GJB1: variants seen among roughly 807,000 people sequenced by gnomAD.
GJB1 encodes the protein gap junction protein beta 1.
A neutral mutation model predicts 12.0 loss-of-function variants in GJB1; 1 was observed. The ratio of observed to expected loss-of-function variants is 0.08; its 90% confidence interval spans 0.03 to 0.40. GJB1 has a LOEUF of 0.40. Among genes scored for constraint, GJB1 ranks in the 10% least tolerant of loss-of-function variants. GJB1 has a pLI of 0.98. For synonymous variants in GJB1, 114 were observed against 102.8 expected, an observed-to-expected ratio of 1.11 and a Z score of -0.66; for missense variants, 140 against 250.3, an observed-to-expected ratio of 0.56 and a Z score of 2.97.
At chrX:71,218,679 C>T (rs2092530246), upstream of GJB1, among the ~76,000 whole-genome samples, 2 of 110,214 alleles carry the variant, frequency 1.8e-5, no homozygotes, top group Admixed American at 9.8e-5. Flanking sequence ...GTCAGGAGAT[C>T]AAGACCATCC....
upstream of GJB1, among the ~76,000 whole-genome samples, chrX:71,218,801 G>A (rs2092530634): frequency 1.0e-5 from 1 of 95,610 alleles, no homozygotes; most frequent in Non-Finnish European, 2.1e-5. Context: ...CAGAAGAATG[G>A]CGTGAACCCA....
chrX:71,220,476 TTTTGTTTGTTTG>T (rs58936467), upstream of GJB1, among the ~76,000 whole-genome samples: 15 of 95,201 alleles, frequency 1.6e-4, no homozygotes, highest in South Asian at 5.3e-4. Flanking sequence ...CTGGCCTAGG[TTTTGTTTGTTTG>T]TTTGTTTGTT....
chrX:71,216,516 A>C (rs772676757), intron 1 of GJB1, among the ~76,000 whole-genome samples: 1 of 109,459 alleles, frequency 9.1e-6, no homozygotes, highest in South Asian at 4.0e-4. Context: ...AGAGTCTGTG[A>C]ATATACACAC....
rs879254098 is a variant in GJB1, at chrX:71,224,169, T to C, written c.462T>C (p.Tyr154=). The change falls in exon 2 of 2, where the codon TAT becomes TAC. Residue 154 remains tyrosine, a synonymous_variant. Coordinates refer to ENST00000361726, the MANE Select transcript of GJB1 (RefSeq NM_000166.6). Reference sequence around the variant, plus strand: ...AGGCCGTCTTCATGTATGTCTTTTATCTGCTCTACCCTGGCTATGCCATGG... The same window carrying C: ...AGGCCGTCTTCATGTATGTCTTTTACCTGCTCTACCCTGGCTATGCCATGG... ...LFEAVFMYVF[Y]LLYPGYAMVR... The C allele has an allele frequency of 2.5e-6, 3 of 1,206,481 alleles. No homozygotes were observed. The highest frequency in any genetic ancestry group is 3.4e-6 in the Non-Finnish European group (3 of 893,149).
chrX:71,219,150 C>CTTATTA (rs34964191), upstream of GJB1, among the ~76,000 whole-genome samples: 3,226 of 97,983 alleles, frequency 0.033, 84 homozygotes, highest in East Asian at 0.093. Context: ...TTGAGGTGGT[C>CTTATTA]TTATTATTAT....
At chrX:71,223,444 G>A in intron 1 of GJB1, 109 bp downstream of exon 1, 5 of 436,835 alleles carry the variant, frequency 1.1e-5, no homozygotes, top group Non-Finnish European at 2.0e-5. Context: ...GCAAAGAAAG[G>A]GGCTGGCGGG....
At chrX:71,219,112 AT>A (rs1217147681), upstream of GJB1, among the ~76,000 whole-genome samples, 3 of 107,300 alleles carry the variant, frequency 2.8e-5, no homozygotes, top group Non-Finnish European at 3.8e-5. Context: ...TACTCAGTAA[AT>A]TTTTTTTTAA....
intron 1 of GJB1, among the ~76,000 whole-genome samples, 167 bp from the exon 2 acceptor site, chrX:71,223,525 A>G (rs1300849636): frequency 2.7e-5 from 3 of 110,713 alleles, no homozygotes; most frequent in Non-Finnish European, 1.9e-5. Context: ...AGTGAGGAGG[A>G]GGAGAAGCTG....
chrX:71,224,635 C>A lies in GJB1; in HGVS notation c.*76C>A. The A allele has an allele frequency of 1.2e-6, 1 of 866,918 alleles. No individual in the cohort carries two copies. Among genetic ancestry groups the A allele is most frequent in the Non-Finnish European group, 1.7e-6 (1 of 601,590 alleles). The allele number at this position is 866,918 out of a possible 1,213,427, so 71.4% of individuals were successfully genotyped here. A position where few individuals can be genotyped will look rare whatever the true frequency, so the allele number is the denominator to read the frequency against. The stretch of plus-strand genomic sequence containing the variant: ...AGCCCCTCCTTCTCCCCTGCCGGTG[C>A]ACAGGCCTCTGCCTGCTGGGGATTA... On this transcript the variant is annotated 3_prime_UTR_variant, in exon 2 of 2. Coordinates refer to ENST00000361726, the MANE Select transcript of GJB1 (RefSeq NM_000166.6).
chrX:71,222,532 G>A (rs1409610088), upstream of GJB1: 7 of 87,721 alleles, frequency 8.0e-5, no homozygotes, highest in East Asian at 1.5e-3. Flanking sequence ...GAGCAACGGC[G>A]CCCAGCCTTT....
chrX:71,216,872 A>C (rs1301976824), intron 1 of GJB1, among the ~76,000 whole-genome samples: 1 of 111,591 alleles, frequency 9.0e-6, no homozygotes, highest in Non-Finnish European at 1.9e-5. Context: ...CAAACTGATG[A>C]AGGCAGCCAG....
At chrX:71,217,104 A>ATGTGTGTGTGTGTGTG (rs34246909) in intron 1 of GJB1, among the ~76,000 whole-genome samples, 2,139 of 93,514 alleles carry the variant, frequency 0.023, 43 homozygotes, top group Middle Eastern at 0.034. Flanking sequence ...GACTAGACGA[A>ATGTGTGTGTGTGTGTG]TGTGTGTGTG....
Position 71,224,478 on chromosome X carries a change from C to T in GJB1, c.771C>T (p.Gly257=), listed in dbSNP as rs2092546633. 8 of 1,204,510 alleles carry T rather than the reference C, an allele frequency of 6.6e-6. No homozygotes were observed. Among genetic ancestry groups the T allele is most frequent in the Admixed American group, 2.2e-5 (1 of 45,300 alleles). Residue 257 remains glycine, a synonymous_variant, in exon 2 of 2, where the codon GGC becomes GGT. Coordinates refer to ENST00000361726, the MANE Select transcript of GJB1 (RefSeq NM_000166.6). ...EINKLLSEQD[G]SLKDILRRSP... is the part of the protein sequence containing the mutation. ...ACAAGCTGCTGAGTGAGCAGGATGGCTCCCTGAAAGACATACTGCGCCGCA... is the reference window on the plus strand; with the variant it reads ...ACAAGCTGCTGAGTGAGCAGGATGGTTCCCTGAAAGACATACTGCGCCGCA...
chrX:71,219,443 T>TA (rs35256456), upstream of GJB1, among the ~76,000 whole-genome samples: 1 of 108,738 alleles, frequency 9.2e-6, no homozygotes, highest in African/African-American at 3.4e-5. Context: ...ATTTTTTTTT[T>TA]AAGAGACGGG....
intron 1 of GJB1, among the ~76,000 whole-genome samples, chrX:71,217,374 A>G (rs1219129241): frequency 8.9e-6 from 1 of 111,985 alleles, no homozygotes; most frequent in Admixed American, 9.5e-5. Context: ...AAATGGGGAT[A>G]ATATTACAGG....
chrX:71,219,947 A>T (rs1485182734), upstream of GJB1, among the ~76,000 whole-genome samples: 2 of 100,553 alleles, frequency 2.0e-5, no homozygotes, highest in Non-Finnish European at 4.0e-5. Context: ...GGTTCAAGCG[A>T]TTCTCCTGCC....
chrX:71,216,554 TATA>T (rs2092526134), intron 1 of GJB1, among the ~76,000 whole-genome samples: 1 of 108,944 alleles, frequency 9.2e-6, no homozygotes, highest in African/African-American at 3.4e-5. Context: ...TGGCAGCTGT[TATA>T]ATAACCCAAG....
At chrX:71,219,924 C>T (rs1231682409), upstream of GJB1, among the ~76,000 whole-genome samples, 3 of 101,373 alleles carry the variant, frequency 3.0e-5, no homozygotes, top group Middle Eastern at 5.2e-3. Context: ...CTCACTACAA[C>T]ATCTGCCTCC....
upstream of GJB1, among the ~76,000 whole-genome samples, chrX:71,220,141 C>CTTTTTTTT (rs1569213982): frequency 4.3e-5 from 3 of 69,469 alleles, no homozygotes; most frequent in African/African-American, 3.0e-4. Context: ...CTGTGCCTGG[C>CTTTTTTTT]CTTTTTTTTT....
Sources: gnomAD v4.1 joint callset for allele counts (sites outside exome capture counted in the v4.1 genomes callset) on GRCh38, gnomAD v4.1.1 for gene constraint, MANE v1.5 for transcripts, NCBI Gene and HGNC (gene_info 2026-07-23, HGNC 2026-07-21) for gene names.